Variants in AVIL observed in about 807,000 individuals in gnomAD.
AVIL encodes the protein advillin.
A neutral mutation model predicts 109.9 loss-of-function variants in AVIL; 78 were observed. The observed-to-expected ratio is 0.71, with a 90% CI of 0.59 to 0.86. AVIL has a LOEUF of 0.86. AVIL is among the 40% of genes least tolerant of loss of function. AVIL has a pLI of 0.00. For synonymous variants in AVIL, 367 were observed against 379.1 expected, an observed-to-expected ratio of 0.97 and a Z score of 0.37; for missense variants, 892 against 1,016.5, an observed-to-expected ratio of 0.88 and a Z score of 1.67.
intron 14 of AVIL, among the ~76,000 whole-genome samples, chr12:57,805,341 G>A (rs1204609695): frequency 1.3e-5 from 2 of 152,282 alleles, no homozygotes; most frequent in African/African-American, 2.4e-5. Flanking sequence ...ACAGGCGTGA[G>A]CCACCGCGCC....
rs1409452494 is a variant in AVIL at position 57,808,502 on chromosome 12, G to A, written c.986C>T (p.Thr329Ile). ...GGCCGACTCAGCACCATCGTTGACGGTCTCCACATTGGTGCTGCTGGGGTA... is the reference window on the plus strand; with the variant it reads ...GGCCGACTCAGCACCATCGTTGACGATCTCCACATTGGTGCTGCTGGGGTA... The part of the protein sequence containing the change: ...KSYPSSTNVE[T>I]VNDGAESAMF... The change falls in exon 10 of 20, where the codon ACC (threonine) becomes ATC (isoleucine). Residue 329 changes from threonine to isoleucine, a missense_variant. By Grantham distance (89) the Thr-to-Ile change is moderately conservative. Transcript: ENST00000549994. The A allele has an allele frequency of 6.2e-7, 1 of 1,614,100 alleles. No individual in the cohort carries two copies. The highest frequency in any genetic ancestry group is 1.3e-5 in the African/African-American group (1 of 75,014).
At chr12:57,801,784 C>G (rs997099486) in intron 17 of AVIL, among the ~76,000 whole-genome samples, 1 of 152,042 alleles carries the variant, frequency 6.6e-6, no homozygotes, top group Non-Finnish European at 1.5e-5. Context: ...GGAAACCTGG[C>G]TTTCTGTTGA....
At chr12:57,813,533 G>A in intron 3 of AVIL, 110 bp from the exon 4 acceptor site, 6 of 1,101,020 alleles carry the variant, frequency 5.4e-6, no homozygotes, top group Non-Finnish European at 7.8e-6. Context: ...GCAGACTGAG[G>A]GCCCTCTCTC....
At chr12:57,802,085 C>T in intron 17 of AVIL, 75 bp downstream of exon 17, 1 of 1,512,506 alleles carries the variant, frequency 6.6e-7, no homozygotes, top group Non-Finnish European at 9.1e-7. Context: ...TGAATCAGTA[C>T]TCCACCTTCC....
chr12:57,818,369 G>C (rs1956122624), intron 1 of AVIL, among the ~76,000 whole-genome samples: 1 of 151,696 alleles, frequency 6.6e-6, no homozygotes, highest in South Asian at 2.1e-4. Context: ...CTCCTGCCTT[G>C]CTCCATACCA....
chr12:57,801,059 G>T, intron 18 of AVIL, 85 bp downstream of exon 18: 1 of 1,126,040 alleles, frequency 8.9e-7, no homozygotes, highest in Non-Finnish European at 1.3e-6. Context: ...CATGAGTTTT[G>T]CCTGTGAGCA....
In AVIL at chr12:57,810,476, T is replaced by C; in HGVS notation, c.634A>G (p.Lys212Glu). The C allele has an allele frequency of 1.9e-6, 3 of 1,614,194 alleles. No homozygotes were observed. In the South Asian group the frequency reaches 3.3e-5, roughly 18 times the overall value. ...ATCAGCTCTGGGCTGGCTGCCTCCTTGTCTCCCTCGATCACTCCTATTTTA... is the reference window on the plus strand; with the variant it reads ...ATCAGCTCTGGGCTGGCTGCCTCCTCGTCTCCCTCGATCACTCCTATTTTA... ...RAKIGVIEGD[K>E]EAASPELMKV... is the part of the protein sequence containing the mutation. The change falls in exon 7 of 20, where the codon AAG becomes GAG. Residue 212 changes from lysine (K) to glutamate (E), a missense_variant. Lys to Glu is a moderately conservative substitution (Grantham distance 56). Transcript: ENST00000549994.
In AVIL at chr12:57,801,154, C is replaced by T. The variant is rs61740317; in HGVS notation, c.2210G>A (p.Arg737Gln). Residue 737 changes from arginine (R) to glutamine (Q), a missense_variant, in exon 18 of 20, where the codon CGA becomes CAA. Physicochemically the swap from Arg to Gln is conservative, Grantham distance 43 (BLOSUM62 1). Transcript: ENST00000549994. ...GCGAACCCGACTCACAGCAGTGATT[C>T]GCATGATAGCAGCAGCATCTCCCAG... ...EELGDAAAIM[R>Q]ITADMKNATL... 1.6e-5 allele frequency: 26 copies of T among 1,613,426 alleles called. No homozygotes were observed. The highest frequency in any genetic ancestry group is 8.8e-5 in the South Asian group (8 of 91,038).
chr12:57,813,182 CTG>C lies in AVIL; in HGVS notation c.338+43_338+44del, dbSNP rs766323302. On this transcript the variant is annotated intron_variant, in intron 4 of 19. Transcript: ENST00000549994. ...ATGTTGGCCTTTTGGGTTTCCTCCTCTGTAAACTGCTGTTTCTGTCCTTGCTC... is the reference window on the plus strand; with the variant it reads ...ATGTTGGCCTTTTGGGTTTCCTCCTCTAAACTGCTGTTTCTGTCCTTGCTC... The C allele has an allele frequency of 3.2e-5, 50 of 1,555,802 alleles. 1 individual carries two copies. The South Asian group carries it at 5.8e-4, about 18-fold the overall frequency.
Position 57,807,415 on chromosome 12 carries a change from C to G in AVIL, c.1407G>C (p.Gly469=). Reference sequence around the variant, plus strand: ...TCCTGACTCGAACCTGCACAGCAGCCCCATCAAACTGCCGATCCACCTCCA... The same window carrying G: ...TCCTGACTCGAACCTGCACAGCAGCGCCATCAAACTGCCGATCCACCTCCA... ...QAVEVDRQFD[G]AAVQVRVRMG... is the part of the protein sequence containing the mutation. The change falls in exon 13 of 20, where the codon GGG becomes GGC. Residue 469 remains glycine, a synonymous_variant. Transcript: ENST00000549994. 1 of 1,614,228 alleles carries G rather than the reference C, an allele frequency of 6.2e-7. No homozygotes were observed. The highest frequency in any genetic ancestry group is 2.2e-5 in the East Asian group (1 of 44,886).
chr12:57,806,240 A>C, intron 14 of AVIL, 120 bp downstream of exon 14: 3 of 1,022,744 alleles, frequency 2.9e-6, no homozygotes, highest in Non-Finnish European at 4.5e-6. Context: ...GTTTTAGTAT[A>C]TGTGCTGCCA....
intron 19 of AVIL, 54 bp downstream of exon 19, chr12:57,799,741 T>C: frequency 4.4e-6 from 7 of 1,608,738 alleles, no homozygotes; most frequent in Non-Finnish European, 5.1e-6. Flanking sequence ...GAGCTGAGTT[T>C]TTTACTCACG....
intron 14 of AVIL, 145 bp downstream of exon 14, chr12:57,806,215 C>T: frequency 1.5e-6 from 1 of 652,588 alleles, no homozygotes; most frequent in Non-Finnish European, 2.6e-6. Context: ...TGCTAATCTT[C>T]TCTGTATCAT....
At chr12:57,810,270 A>C in intron 7 of AVIL, 79 bp downstream of exon 7, 1 of 1,490,622 alleles carries the variant, frequency 6.7e-7, no homozygotes, top group African/African-American at 1.4e-5. Flanking sequence ...ACAAGGAGCC[A>C]AGCAGAGGTG....
At chr12:57,802,477 C>G (rs1408944995) in intron 16 of AVIL, 129 bp from the exon 17 acceptor site, 66 of 1,118,394 alleles carry the variant, frequency 5.9e-5, no homozygotes, top group Non-Finnish European at 8.2e-5. Context: ...CTTTCTCAGC[C>G]TAATTTGTTC....
At chr12:57,807,909 C>A (rs1354954338) in intron 11 of AVIL, 182 bp from the exon 12 acceptor site, 3 of 921,486 alleles carry the variant, frequency 3.3e-6, no homozygotes, top group Non-Finnish European at 5.1e-6. Context: ...GTGAGATGAA[C>A]TGGGCCATCC....
Position 57,813,514 on chromosome 12 carries a change from A to G in AVIL, c.142-91T>C, listed in dbSNP as rs112670181. The G allele has an allele frequency of 5.3e-6, 7 of 1,328,374 alleles. No homozygotes were observed. In the African/African-American group the frequency reaches 7.2e-5, roughly 14 times the overall value. The allele number at this position is 1,328,374 out of a possible 1,614,324, so 82.3% of individuals were successfully genotyped here. On this transcript the variant is annotated intron_variant, in intron 3 of 19. Transcript: ENST00000549994. ...TATGGGGAGAATGCAGCACATGTGC[A>G]TGCCCTTGGCAGACTGAGGGCCCTC...
chr12:57,805,482 A>G (rs1364789441), intron 14 of AVIL, among the ~76,000 whole-genome samples: 1 of 151,570 alleles, frequency 6.6e-6, no homozygotes, highest in African/African-American at 2.4e-5. Flanking sequence ...TCCAGCCTCC[A>G]TCTGCATAGA....
chr12:57,814,192 T>C lies in AVIL; in HGVS notation c.101A>G (p.His34Arg). 1 of 1,612,782 alleles carries C rather than the reference T, an allele frequency of 6.2e-7. No individual in the cohort carries two copies. Among genetic ancestry groups the C allele is most frequent in the Non-Finnish European group, 8.5e-7 (1 of 1,179,726 alleles). The change falls in exon 3 of 20, where the codon CAC becomes CGC. Residue 34 changes from histidine (H) to arginine (R), a missense_variant. His to Arg is a conservative substitution (Grantham distance 29). Coordinates refer to ENST00000549994, the MANE Select transcript of AVIL (RefSeq NM_006576.4). The part of the protein sequence containing the change: ...MELALVPVSA[H>R]GNFYEGDCYV... ...GCAGTCCCCCTCATAGAAGTTGCCG[T>C]GGGCGCTCACAGGCACCAGCGCCAG...
Sources: allele counts gnomAD v4.1 joint callset (sites outside exome capture counted in the v4.1 genomes callset), GRCh38; gene constraint gnomAD v4.1.1; transcripts MANE v1.5; gene names NCBI Gene and HGNC (gene_info 2026-07-23, HGNC 2026-07-21).